EPHA6: variants seen among roughly 807,000 people sequenced by gnomAD.
EPHA6 encodes the protein ephrin type-A receptor 6.
Under a neutral mutation model 112.0 loss-of-function variants are expected in EPHA6, and 50 were observed. The ratio of observed to expected loss-of-function variants is 0.45; its 90% CI spans 0.36 to 0.56. The LOEUF (loss-of-function observed/expected upper bound fraction) is 0.56. Among genes scored for constraint, EPHA6 ranks in the 20% least tolerant of loss-of-function variants. The pLI, the probability that EPHA6 is intolerant of heterozygous loss-of-function variation, is 0.00. For synonymous variants in EPHA6, 529 were observed against 490.7 expected (o/e 1.08, Z -1.03); for missense variants, 1,280 against 1,417.4 (o/e 0.90, Z 1.56).
chr3:97,540,415 A>G (rs1207698468), intron 11 of EPHA6, among the ~76,000 whole-genome samples: 6 of 152,234 alleles, frequency 3.9e-5, no homozygotes. Context: ...GATAATTGGA[A>G]TCACTGGCTT....
chr3:97,659,074 G>A (rs2094153710), intron 14 of EPHA6, among the ~76,000 whole-genome samples: 1 of 151,984 alleles, frequency 6.6e-6, no homozygotes, highest in Admixed American at 6.6e-5. Flanking sequence ...TACCCAGAGA[G>A]GAAGGAGCAA....
chr3:96,988,946 CT>C (rs2043119705), intron 3 of EPHA6, among the ~76,000 whole-genome samples: 1 of 151,940 alleles, frequency 6.6e-6, no homozygotes, highest in Non-Finnish European at 1.5e-5. Flanking sequence ...TATATACCCC[CT>C]AATAAAGAGC....
intron 2 of EPHA6, among the ~76,000 whole-genome samples, chr3:96,983,032 G>A (rs1471395475): frequency 6.6e-6 from 1 of 152,038 alleles, no homozygotes; most frequent in Non-Finnish European, 1.5e-5. Context: ...TCTTTTAATT[G>A]GAGCATTTAG....
At chr3:96,958,462 G>A (rs2041843691) in intron 2 of EPHA6, among the ~76,000 whole-genome samples, 2 of 152,096 alleles carry the variant, frequency 1.3e-5, no homozygotes, top group South Asian at 4.1e-4. Context: ...TATATTGCAT[G>A]TAAATCTCTA....
chr3:97,104,763 G>C lies in EPHA6; in HGVS notation c.1114+116770G>C, dbSNP rs544249877. ...TCAGGTAGAATCCAGCTGTGAATCT[G>C]TTTGGTCTTGGGCTTTTTTTGGTTG... is the stretch of plus-strand genomic sequence containing the variant. On this transcript the variant is annotated intron_variant, in intron 3 of 17. Coordinates refer to ENST00000389672, the MANE Select transcript of EPHA6 (RefSeq NM_001080448.3). Among the ~76,000 whole-genome samples, 14 of 152,196 alleles carry C rather than the reference G, an allele frequency of 9.2e-5. No homozygotes were observed. In the East Asian group the frequency reaches 2.5e-3, roughly 27 times the overall value.
chr3:97,655,577 G>A (rs988541609), intron 14 of EPHA6, among the ~76,000 whole-genome samples: 5 of 151,772 alleles, frequency 3.3e-5, no homozygotes, highest in South Asian at 2.1e-4. Flanking sequence ...GAATAGTGCC[G>A]CAATAAACAT....
At chr3:97,642,163 C>A (rs1369354229) in intron 14 of EPHA6, among the ~76,000 whole-genome samples, 1 of 117,048 alleles carries the variant, frequency 8.5e-6, no homozygotes, top group East Asian at 2.6e-4. Flanking sequence ...CTGGGAGGCA[C>A]CCCCCAGCAG....
chr3:97,684,560 C>T (rs1300499806), intron 14 of EPHA6, among the ~76,000 whole-genome samples: 1 of 152,084 alleles, frequency 6.6e-6, no homozygotes, highest in Non-Finnish European at 1.5e-5. Context: ...TTGTGTATTT[C>T]TCAGTCACTT....
intron 5 of EPHA6, among the ~76,000 whole-genome samples, chr3:97,383,612 A>G (rs537780508): frequency 2.4e-4 from 36 of 152,216 alleles, no homozygotes; most frequent in African/African-American, 8.2e-4. Flanking sequence ...TAAACTTCCT[A>G]GACTAATCTT....
At chr3:97,278,277 GA>G (rs1390236124) in intron 5 of EPHA6, among the ~76,000 whole-genome samples, 3 of 152,058 alleles carry the variant, frequency 2.0e-5, no homozygotes, top group African/African-American at 7.2e-5. Context: ...CTATTTGTAT[GA>G]AAAAAATAAC....
chr3:97,295,036 A>G (rs1416218089), intron 5 of EPHA6, among the ~76,000 whole-genome samples: 2 of 152,078 alleles, frequency 1.3e-5, no homozygotes, highest in South Asian at 4.1e-4. Context: ...TGACAGTTTG[A>G]CTATAATGTA....
chr3:96,976,970 G>C (rs1184108154), intron 2 of EPHA6, among the ~76,000 whole-genome samples: 1 of 152,116 alleles, frequency 6.6e-6, no homozygotes, highest in Admixed American at 6.6e-5. Context: ...AAAAGACACA[G>C]CTTGTGTATG....
chr3:97,055,979 A>C (rs1408910781), intron 3 of EPHA6, among the ~76,000 whole-genome samples: 1 of 152,126 alleles, frequency 6.6e-6, no homozygotes, highest in Non-Finnish European at 1.5e-5. Context: ...CTTAAAATAT[A>C]TTCTAAACTT....
intron 2 of EPHA6, among the ~76,000 whole-genome samples, chr3:96,984,430 G>T (rs1402036622): frequency 2.6e-5 from 4 of 152,132 alleles, no homozygotes; most frequent in Admixed American, 6.5e-5. Flanking sequence ...TCTCTGAGGG[G>T]TACCTGGCCG....
chr3:96,917,287 G>A (rs2039530197), intron 2 of EPHA6, among the ~76,000 whole-genome samples: 1 of 151,676 alleles, frequency 6.6e-6, no homozygotes, highest in African/African-American at 2.4e-5. Flanking sequence ...CAGGCATGGT[G>A]CCAGGCACCT....
intron 14 of EPHA6, among the ~76,000 whole-genome samples, chr3:97,681,933 A>T (rs1576277678): frequency 6.6e-6 from 1 of 152,062 alleles, no homozygotes; most frequent in African/African-American, 2.4e-5. Flanking sequence ...TATATTACAT[A>T]TGTAATTTTA....
At chr3:96,945,188 G>C (rs2041189543) in intron 2 of EPHA6, among the ~76,000 whole-genome samples, 1 of 152,116 alleles carries the variant, frequency 6.6e-6, no homozygotes, top group Non-Finnish European at 1.5e-5. Context: ...CAACCGGTCT[G>C]GTCCATGATA....
At chr3:97,279,205 C>G (rs2080203161) in intron 5 of EPHA6, among the ~76,000 whole-genome samples, 1 of 152,006 alleles carries the variant, frequency 6.6e-6, no homozygotes, top group South Asian at 2.1e-4. Flanking sequence ...CCAATATATT[C>G]CAGTGATATT....
intron 2 of EPHA6, among the ~76,000 whole-genome samples, chr3:96,909,186 T>C (rs1381218656): frequency 6.6e-6 from 1 of 152,000 alleles, no homozygotes; most frequent in East Asian, 1.9e-4. Flanking sequence ...AAGAGTCATA[T>C]TAACTTCCTA....
Sources: allele counts gnomAD v4.1 joint callset (sites outside exome capture counted in the v4.1 genomes callset), GRCh38; gene constraint gnomAD v4.1.1; transcripts MANE v1.5; gene names NCBI Gene and HGNC (gene_info 2026-07-23, HGNC 2026-07-21).